The following OVGP1 variants were observed in gnomAD, a reference collection of about 807,000 sequenced individuals.
OVGP1 encodes the protein oviduct-specific glycoprotein.
A neutral mutation model predicts 48.2 loss-of-function variants in OVGP1; 26 were observed. That is an observed-to-expected ratio of 0.54 (90% confidence interval 0.40 to 0.75). The LOEUF (loss-of-function observed/expected upper bound fraction) is 0.75. Ranked by LOEUF, OVGP1 falls within the 30% of genes least tolerant of loss-of-function variation. The pLI is 0.00. For synonymous variants in OVGP1, 294 were observed against 305.7 expected (o/e 0.96, Z 0.40); for missense variants, 791 against 820.6 (o/e 0.96, Z 0.44).
rs1652214937 is a variant in OVGP1, at chr1:111,419,715, A to G, written c.915T>C (p.Phe305=). 6 of 1,609,642 alleles carry G rather than the reference A, an allele frequency of 3.7e-6. No homozygotes were observed. The Middle Eastern group carries it at 5.0e-4, about 134-fold the overall frequency. ...GFLAYFEICS[F]VWGAKKHWID... ...TCCAGTGCTTCTTCGCTCCCCAGAC[A>G]AAGGAACAAATCTGCCAAGAGGACC... Residue 305 remains phenylalanine, a synonymous_variant, in exon 9 of 11, where the codon TTT becomes TTC. Transcript: ENST00000369732.
chr1:111,414,879 C>A lies in OVGP1; in HGVS notation c.1622G>T (p.Ser541Ile), dbSNP rs61741118. ...SVTPVSHQSV[S>I]PGGTTMTPVH... ...AGGGGTCATAGTCGTTCCTCCAGGG[C>A]TCACAGACTGATGACTCACAGGGGT... Residue 541 changes from serine (S) to isoleucine (I), a missense_variant, in exon 11 of 11, where the codon AGC becomes ATC. Ser to Ile is a moderately radical substitution (Grantham distance 142). Coordinates refer to ENST00000369732, the MANE Select transcript of OVGP1 (RefSeq NM_002557.4). 1.3e-6 allele frequency: 2 copies of A among 1,595,672 alleles called. No individual in the cohort carries two copies. Among genetic ancestry groups the A allele is most frequent in the Non-Finnish European group, 1.7e-6 (2 of 1,171,332 alleles).
chr1:111,425,549 G>A (rs1470860716), intron 3 of OVGP1, 110 bp from the exon 4 acceptor site: 4 of 1,551,528 alleles, frequency 2.6e-6, no homozygotes, highest in African/African-American at 2.7e-5. Context: ...CAGGAGAGAT[G>A]GGAGGTAAGG....
intron 6 of OVGP1, 21 bp from the exon 7 acceptor site, chr1:111,421,694 A>C (rs1311125579): frequency 6.9e-7 from 1 of 1,453,714 alleles, no homozygotes; most frequent in South Asian, 1.1e-5. Flanking sequence ...CAGGAGGAAG[A>C]GATATAAAGA....
intron 4 of OVGP1, among the ~76,000 whole-genome samples, chr1:111,424,507 G>A (rs1652352590): frequency 6.6e-6 from 1 of 152,220 alleles, no homozygotes; most frequent in Non-Finnish European, 1.5e-5. Flanking sequence ...AATCTGGCAA[G>A]TTCCTTAATA....
chr1:111,417,622 T>TAC (rs150955515), intron 9 of OVGP1, among the ~76,000 whole-genome samples: 3,941 of 151,174 alleles, frequency 0.026, 71 homozygotes, highest in East Asian at 0.065. Context: ...TTTGTGTGTA[T>TAC]ACACACACAC....
At chr1:111,425,192 G>T (rs569400683) in intron 4 of OVGP1, among the ~76,000 whole-genome samples, 191 bp downstream of exon 4, 1 of 152,264 alleles carries the variant, frequency 6.6e-6, no homozygotes, top group East Asian at 1.9e-4. Context: ...GAACTTCCTT[G>T]TCTCCCCTGA....
At chr1:111,419,972 T>C (rs1019740510) in intron 8 of OVGP1, among the ~76,000 whole-genome samples, 11 of 152,212 alleles carry the variant, frequency 7.2e-5, no homozygotes, top group African/African-American at 2.7e-4. Flanking sequence ...AAAGAGTGGA[T>C]GACATCCTTA....
chr1:111,415,415 C>G (rs1167137883), intron 10 of OVGP1, 71 bp from the exon 11 acceptor site: 9 of 1,407,172 alleles, frequency 6.4e-6, no homozygotes, highest in Non-Finnish European at 8.7e-6. Flanking sequence ...ACTGGCAGAA[C>G]TAGAACCAAT....
intron 5 of OVGP1, 107 bp from the exon 6 acceptor site, chr1:111,423,158 G>A: frequency 7.1e-7 from 1 of 1,403,022 alleles, no homozygotes; most frequent in Non-Finnish European, 9.8e-7. Flanking sequence ...CCAGGCTCTG[G>A]GACACGAAGG....
intron 1 of OVGP1, chr1:111,427,384 T>C: frequency 1.0e-6 from 1 of 984,870 alleles, no homozygotes. Context: ...GGCCAGTGGT[T>C]CTGAACCCTG....
In OVGP1 at chr1:111,425,397, G is replaced by A. The variant is rs767612920; in HGVS notation, c.303C>T (p.Asn101=). 5.6e-6 allele frequency: 9 copies of A among 1,613,600 alleles called. No homozygotes were observed. Among genetic ancestry groups the A allele is most frequent in the Non-Finnish European group, 1.7e-6 (2 of 1,179,854 alleles). ...LKTLLSIGGW[N]FGTSRFTTML... ...CAAAGTCTCACCTTGAGGTGCCAAAGTTCCACCCGCCGATGGACAGTAGTG... is the reference window on the plus strand; with the variant it reads ...CAAAGTCTCACCTTGAGGTGCCAAAATTCCACCCGCCGATGGACAGTAGTG... Residue 101 remains asparagine (N), a synonymous_variant, in exon 4 of 11, where the codon AAC becomes AAT. Transcript: ENST00000369732.
intron 4 of OVGP1, among the ~76,000 whole-genome samples, chr1:111,424,987 A>G (rs1652361830): frequency 6.6e-6 from 1 of 152,130 alleles, no homozygotes; most frequent in Non-Finnish European, 1.5e-5. Flanking sequence ...CTCTGTTCCA[A>G]CCCTTTGAGG....
intron 3 of OVGP1, among the ~76,000 whole-genome samples, chr1:111,426,014 C>T (rs2101729479): frequency 6.6e-6 from 1 of 152,288 alleles, no homozygotes; most frequent in South Asian, 2.1e-4. Flanking sequence ...CTGACCTAGC[C>T]ACTGGGGATA....
chr1:111,415,949 C>T (rs1450531001), intron 10 of OVGP1, among the ~76,000 whole-genome samples: 2 of 152,160 alleles, frequency 1.3e-5, no homozygotes, highest in East Asian at 3.8e-4. Flanking sequence ...GTAGCCTCTA[C>T]TATCAAAAAG....
At chr1:111,426,200 G>T (rs1409588731) in intron 3 of OVGP1, among the ~76,000 whole-genome samples, 1 of 152,214 alleles carries the variant, frequency 6.6e-6, no homozygotes, top group East Asian at 1.9e-4. Context: ...AGGCAGAGAA[G>T]AGAGAGAAGC....
At chr1:111,427,621 C>G in intron 1 of OVGP1, 76 bp downstream of exon 1, 1 of 1,508,864 alleles carries the variant, frequency 6.6e-7, no homozygotes, top group Non-Finnish European at 9.2e-7. Context: ...CTCTCTCAGG[C>G]ACCAGAGAGA....
At position 111,423,523 on chromosome 1, in the gene OVGP1, C is replaced by A. The variant is rs1264886; in HGVS notation, c.483+20G>T. The stretch of plus-strand genomic sequence containing the variant: ...AAGTAGAATCATTTCTGGATTCTGG[C>A]GCTTCTAGACCAGACTTACTTCAAT... On this transcript the variant is annotated intron_variant, in intron 5 of 10. Coordinates refer to ENST00000369732, the MANE Select transcript of OVGP1 (RefSeq NM_002557.4). 6.8e-6 allele frequency: 11 copies of A among 1,609,758 alleles called. No homozygotes were observed. Among genetic ancestry groups the A allele is most frequent in the East Asian group, 2.2e-5 (1 of 44,880 alleles).
Position 111,427,713 on chromosome 1 carries a change from C to G in OVGP1, c.9G>C (p.Lys3Asn). 1 of 1,612,258 alleles carries G rather than the reference C, an allele frequency of 6.2e-7. No homozygotes were observed. The highest frequency in any genetic ancestry group is 8.5e-7 in the Non-Finnish European group (1 of 1,179,332). Residue 3 changes from lysine to asparagine, a missense_variant, in exon 1 of 11, where the codon AAG (lysine) becomes AAC (asparagine). Coordinates refer to ENST00000369732, the MANE Select transcript of OVGP1 (RefSeq NM_002557.4). MW[K>N]LLLWVGLVLV... The stretch of plus-strand genomic sequence containing the variant: ...CACACTCACCAACCCACAGCAACAG[C>G]TTCCACATCTCAATGGTCTGATAGC...
Position 111,426,577 on chromosome 1 carries a change from C to G in OVGP1, c.120G>C (p.Ser40=), listed in dbSNP as rs747502450. The change falls in exon 3 of 11, where the codon TCG becomes TCC. Residue 40 remains serine, a synonymous_variant. Coordinates refer to ENST00000369732, the MANE Select transcript of OVGP1 (RefSeq NM_002557.4). ...NWAHSRPGPA[S]ILPHDLDPFL... is the part of the protein sequence containing the mutation. ...AGGGGTCCAGGTCATGGGGCAAGAT[C>G]GAGGCAGGGCCTGGCCGACTGTGTG... 2 of 1,614,022 alleles carry G rather than the reference C, an allele frequency of 1.2e-6. No homozygotes were observed. Among genetic ancestry groups the G allele is most frequent in the African/African-American group, 2.7e-5 (2 of 74,992 alleles).
Sources: allele counts gnomAD v4.1 joint callset (sites outside exome capture counted in the v4.1 genomes callset), GRCh38; gene constraint gnomAD v4.1.1; transcripts MANE v1.5; gene names NCBI Gene and HGNC (gene_info 2026-07-23, HGNC 2026-07-21).